The following NAV1 variants were observed in gnomAD, a reference collection of about 807,000 sequenced individuals.
The protein encoded by NAV1 is pore membrane and/or filament interacting like protein 3.
A neutral mutation model predicts 175.2 loss-of-function variants in NAV1; 18 were observed. The observed-to-expected ratio is 0.10, with a 90% CI of 0.07 to 0.15. NAV1 has a LOEUF of 0.15. NAV1 is among the 10% of genes least tolerant of loss of function. The pLI, the probability that NAV1 is intolerant of heterozygous loss-of-function variation, is 1.00. For synonymous variants in NAV1, 897 were observed against 978.7 expected (o/e 0.92, Z 1.56); for missense variants, 1,731 against 2,436.6 (o/e 0.71, Z 6.10).
chr1:201,578,920 G>T (rs1341541615), intron 1 of NAV1, among the ~76,000 whole-genome samples: 2 of 152,064 alleles, frequency 1.3e-5, no homozygotes, highest in Non-Finnish European at 2.9e-5. Flanking sequence ...ATCACCTGAG[G>T]TCAGGAGCTC....
chr1:201,666,971 A>C (rs1220218935), intron 1 of NAV1, among the ~76,000 whole-genome samples: 3 of 152,150 alleles, frequency 2.0e-5, no homozygotes, highest in African/African-American at 7.2e-5. Context: ...CTCCCTCTCC[A>C]TGAAGCCAGG....
chr1:201,743,141 C>T (rs570832495), intron 3 of NAV1, among the ~76,000 whole-genome samples: 1 of 152,288 alleles, frequency 6.6e-6, no homozygotes, highest in African/African-American at 2.4e-5. Context: ...CTAAAGATCA[C>T]AGTAGTGGGA....
intron 3 of NAV1, among the ~76,000 whole-genome samples, chr1:201,725,922 A>C (rs532211179): frequency 6.6e-6 from 1 of 152,352 alleles, no homozygotes; most frequent in African/African-American, 2.4e-5. Context: ...ACACCCCTGC[A>C]CACCAGCCTG....
In NAV1 at chr1:201,777,204, G is replaced by A. The variant is rs372681856; in HGVS notation, c.1227-3217G>A. Among the ~76,000 whole-genome samples the A allele has an allele frequency of 8.5e-5, 13 of 152,326 alleles. No homozygotes were observed. The East Asian group carries it at 1.3e-3, about 16-fold the overall frequency. On this transcript the variant is annotated intron_variant, in intron 3 of 29. Transcript: ENST00000367296. Reference sequence around the variant, plus strand: ...GAAACAAGGAGTAAAACAACAAAGAGGAAGACTGAGATTCCAGTTTAAGTC... The same window carrying A: ...GAAACAAGGAGTAAAACAACAAAGAAGAAGACTGAGATTCCAGTTTAAGTC...
intron 2 of NAV1, among the ~76,000 whole-genome samples, chr1:201,591,547 T>C (rs556332423): frequency 6.6e-6 from 1 of 152,120 alleles, no homozygotes. Flanking sequence ...AGGAGCTAGG[T>C]TGGCACTGGG....
intron 1 of NAV1, among the ~76,000 whole-genome samples, chr1:201,692,815 A>G (rs937860810): frequency 5.3e-4 from 80 of 152,276 alleles, no homozygotes; most frequent in Non-Finnish European, 2.6e-4. Context: ...CAAGCCAGAC[A>G]CTTACCAAAT....
intron 1 of NAV1, among the ~76,000 whole-genome samples, chr1:201,708,372 C>A (rs569836517): frequency 6.6e-6 from 1 of 152,030 alleles, no homozygotes; most frequent in South Asian, 2.1e-4. Flanking sequence ...CCCCATAGAC[C>A]TTGGTGTCGC....
At chr1:201,598,210 T>C (rs1297774638) in intron 2 of NAV1, among the ~76,000 whole-genome samples, 1 of 152,220 alleles carries the variant, frequency 6.6e-6, no homozygotes, top group Non-Finnish European at 1.5e-5. Flanking sequence ...ACGTCTGAGC[T>C]GAGCTTGGAG....
At chr1:201,587,204 C>G (rs1667058137) in intron 1 of NAV1, among the ~76,000 whole-genome samples, 1 of 151,772 alleles carries the variant, frequency 6.6e-6, no homozygotes, top group Admixed American at 6.6e-5. Flanking sequence ...GAGCAAAACC[C>G]TGTCTCAAAG....
intron 1 of NAV1, among the ~76,000 whole-genome samples, chr1:201,651,215 T>A (rs968984793): frequency 6.7e-6 from 1 of 149,900 alleles, no homozygotes; most frequent in Non-Finnish European, 1.5e-5. Flanking sequence ...GGGCACAGAA[T>A]AGCAGAAGGC....
At chr1:201,695,495 G>A (rs1465343573) in intron 1 of NAV1, among the ~76,000 whole-genome samples, 1 of 152,228 alleles carries the variant, frequency 6.6e-6, no homozygotes. Flanking sequence ...AAGGCACTGG[G>A]GCTCTGTCCT....
At chr1:201,769,762 A>AG (rs1675449216) in intron 3 of NAV1, among the ~76,000 whole-genome samples, 1 of 152,236 alleles carries the variant, frequency 6.6e-6, no homozygotes, top group South Asian at 2.1e-4. Flanking sequence ...GAGAAGAAAA[A>AG]GAAAAAAAAG....
intron 2 of NAV1, among the ~76,000 whole-genome samples, chr1:201,589,868 T>C (rs949810465): frequency 6.6e-6 from 1 of 152,160 alleles, no homozygotes; most frequent in African/African-American, 2.4e-5. Context: ...CTCACAACCA[T>C]CCCATGGGGA....
intron 2 of NAV1, among the ~76,000 whole-genome samples, chr1:201,617,039 A>T (rs1481873712): frequency 6.6e-6 from 1 of 152,126 alleles, no homozygotes; most frequent in Non-Finnish European, 1.5e-5. Flanking sequence ...CCCTAGTGTA[A>T]TTTATTGAGG....
intron 3 of NAV1, among the ~76,000 whole-genome samples, chr1:201,761,601 G>A (rs1674848770): frequency 6.6e-6 from 1 of 152,128 alleles, no homozygotes; most frequent in Admixed American, 6.5e-5. Flanking sequence ...ACTTTTATTT[G>A]TTGCTTTATG....
Position 201,809,156 on chromosome 1 carries a change from C to T in NAV1, c.4208-8C>T, listed in dbSNP as rs372727338. The T allele has an allele frequency of 2.2e-5, 36 of 1,613,284 alleles. No individual in the cohort carries two copies. In the East Asian group the frequency reaches 4.9e-4, roughly 22 times the overall value. ...CTAAAACCAGTTGGTTCTTTTCAAT[C>T]CCCACAGACCTGTCACCCATGGATG... On this transcript the variant is annotated splice_polypyrimidine_tract_variant and splice_region_variant and intron_variant, in intron 20 of 29. Coordinates refer to ENST00000367296, the Ensembl canonical transcript of NAV1.
chr1:201,734,205 C>T (rs561598117), intron 3 of NAV1, among the ~76,000 whole-genome samples: 6 of 151,870 alleles, frequency 4.0e-5, no homozygotes, highest in Admixed American at 6.6e-5. Context: ...CCCAGGAGTT[C>T]GAGACCAGCC....
intron 1 of NAV1, among the ~76,000 whole-genome samples, chr1:201,663,065 C>T (rs1020949654): frequency 4.0e-4 from 61 of 152,218 alleles, no homozygotes; most frequent in African/African-American, 1.3e-3. Flanking sequence ...CTTCTGCCCC[C>T]GGTCCATGTG....
intron 1 of NAV1, among the ~76,000 whole-genome samples, chr1:201,624,681 T>C (rs1389792092): frequency 6.6e-6 from 1 of 152,114 alleles, no homozygotes; most frequent in Non-Finnish European, 1.5e-5. Context: ...AATATAATTA[T>C]ACTAAAAAGA....
Sources: gnomAD v4.1 joint callset for allele counts (sites outside exome capture counted in the v4.1 genomes callset) on GRCh38, gnomAD v4.1.1 for gene constraint, MANE v1.5 for transcripts, NCBI Gene and HGNC (gene_info 2026-07-23, HGNC 2026-07-21) for gene names.